Variants in SNX10 observed in about 807,000 individuals in gnomAD.
The protein encoded by SNX10 is sorting nexin 10.
In SNX10, 25 loss-of-function variants were observed where a neutral mutation model predicts 28.5. That is an observed-to-expected ratio of 0.88 (90% confidence interval 0.64 to 1.22). The LOEUF is 1.22. SNX10 is among the 50% of genes most tolerant of loss of function. The probability of loss-of-function intolerance (pLI) is 0.00; values close to 1 mark genes in which losing one functional copy is unlikely to be tolerated. For missense variants in SNX10, 223 were observed against 242.6 expected (o/e 0.92, Z 0.54); for synonymous variants, 62 against 81.4 (o/e 0.76, Z 1.28).
chr7:26,350,085 A>G (rs756550163), intron 2 of SNX10, among the ~76,000 whole-genome samples: 1 of 152,174 alleles, frequency 6.6e-6, no homozygotes, highest in Admixed American at 6.5e-5. Flanking sequence ...ATGCGTGCAT[A>G]TCTCCCCTGC....
At chr7:26,350,879 G>A (rs1032529175) in intron 2 of SNX10, among the ~76,000 whole-genome samples, 3 of 152,112 alleles carry the variant, frequency 2.0e-5, no homozygotes, top group African/African-American at 7.2e-5. Context: ...CTACATTAGT[G>A]TTACAGGTAC....
chr7:26,352,493 C>T (rs1788647042), intron 2 of SNX10, among the ~76,000 whole-genome samples: 1 of 152,172 alleles, frequency 6.6e-6, no homozygotes, highest in African/African-American at 2.4e-5. Flanking sequence ...TGTGTACCTA[C>T]CAACCAGCTT....
intron 1 of SNX10, among the ~76,000 whole-genome samples, chr7:26,343,478 C>T (rs905992007): frequency 3.3e-5 from 5 of 152,156 alleles, no homozygotes; most frequent in Non-Finnish European, 7.3e-5. Flanking sequence ...ACAGCTATGC[C>T]CTGGTGGAGA....
chr7:26,374,102 A>C lies in SNX10; in HGVS notation c.*1530A>C, dbSNP rs1478247943. On this transcript the variant is annotated 3_prime_UTR_variant, in exon 7 of 7. Coordinates refer to ENST00000338523, the MANE Select transcript of SNX10 (RefSeq NM_013322.3). ...CTTACCATGCTAATATGTAAAGTTC[A>C]TGCCATCCAGGCATTTAAGAGCGAT... 6.6e-6 allele frequency: 1 copy of C among 152,086 alleles called. No homozygotes were observed. Among genetic ancestry groups the C allele is most frequent in the East Asian group, 1.9e-4 (1 of 5,204 alleles). The allele number at this position is 152,086 out of a possible 1,614,324, so 9.4% of individuals were successfully genotyped here.
At chr7:26,325,679 C>T (rs1363380139) in intron 1 of SNX10, among the ~76,000 whole-genome samples, 1 of 151,380 alleles carries the variant, frequency 6.6e-6, no homozygotes, top group East Asian at 1.9e-4. Context: ...ATGGGGCATA[C>T]AAGTGACAGT....
chr7:26,374,258 T>TTATGTAATGCCTAATACTTAG lies in SNX10; in HGVS notation c.*1694_*1714dup, dbSNP rs1356453785. 11 of 152,080 alleles carry TTATGTAATGCCTAATACTTAG rather than the reference T, an allele frequency of 7.2e-5. No homozygotes were observed. The highest frequency in any genetic ancestry group is 1.3e-4 in the Non-Finnish European group (9 of 67,904). 9.4% of individuals were successfully genotyped at this position (152,080 alleles called of 1,614,324 possible). On this transcript the variant is annotated 3_prime_UTR_variant, in exon 7 of 7. Coordinates refer to ENST00000338523, the MANE Select transcript of SNX10 (RefSeq NM_013322.3). Reference sequence around the variant, plus strand: ...TGTAACATAGCCATCAAAATTAATATTATGTAATGCCTAATACTTAGTATG... The same window carrying TTATGTAATGCCTAATACTTAG: ...TGTAACATAGCCATCAAAATTAATATTATGTAATGCCTAATACTTAGTATGTAATGCCTAATACTTAGTATG...
intron 2 of SNX10, among the ~76,000 whole-genome samples, chr7:26,355,494 T>C (rs1403519565): frequency 6.6e-6 from 1 of 152,214 alleles, no homozygotes; most frequent in Non-Finnish European, 1.5e-5. Context: ...AATAGCATCT[T>C]AGATTTTCAG....
intron 2 of SNX10, among the ~76,000 whole-genome samples, chr7:26,358,603 G>A (rs1562816880): frequency 6.6e-6 from 1 of 151,892 alleles, no homozygotes; most frequent in Non-Finnish European, 1.5e-5. Context: ...GCTGGGCATG[G>A]TGGCACCCGC....
chr7:26,338,793 G>A (rs78600367), intron 1 of SNX10, among the ~76,000 whole-genome samples: 1 of 152,104 alleles, frequency 6.6e-6, no homozygotes. Context: ...ATCGTAGGGG[G>A]GTCAAAATGA....
At chr7:26,294,804 CTTCT>C (rs1342895175) in intron 1 of SNX10, among the ~76,000 whole-genome samples, 1 of 152,190 alleles carries the variant, frequency 6.6e-6, no homozygotes, top group African/African-American at 2.4e-5. Context: ...TTCTCCCCTT[CTTCT>C]TTCTTTTTAC....
rs547774851 is a variant in SNX10, at chr7:26,311,511, G to C, written c.-24+19425G>C. On this transcript the variant is annotated intron_variant, in intron 1 of 6. Transcript: ENST00000338523. Reference sequence around the variant, plus strand: ...CTTGTAGTGTAGGGCTGTTGCACTGGGGGGAGGGAATTGTCAGGGTGTGTG... The same window carrying C: ...CTTGTAGTGTAGGGCTGTTGCACTGCGGGGAGGGAATTGTCAGGGTGTGTG... Among the ~76,000 whole-genome samples, 17 of 152,240 alleles carry C rather than the reference G, an allele frequency of 1.1e-4. No homozygotes were observed. In the East Asian group the frequency reaches 1.4e-3, roughly 12 times the overall value.
In SNX10 at chr7:26,291,898, G is replaced by A. The variant is rs1785928924; in HGVS notation, c.-212G>A. 2.0e-5 allele frequency: 3 copies of A among 151,508 alleles called. No homozygotes were observed. Among genetic ancestry groups the A allele is most frequent in the Admixed American group, 2.0e-4 (3 of 15,154 alleles). The allele number at this position is 151,508 out of a possible 1,614,324, so 9.4% of individuals were successfully genotyped here. Reference sequence around the variant, plus strand: ...CGCCCACAGGCGGACGGCTGGCGCTGAGCGCGGGCGCGGGGCCGCTACGTG... The same window carrying A: ...CGCCCACAGGCGGACGGCTGGCGCTAAGCGCGGGCGCGGGGCCGCTACGTG... On this transcript the variant is annotated 5_prime_UTR_variant, in exon 1 of 7. Coordinates refer to ENST00000338523, the MANE Select transcript of SNX10 (RefSeq NM_013322.3).
intron 5 of SNX10, among the ~76,000 whole-genome samples, chr7:26,369,929 T>C (rs1438003429): frequency 6.6e-6 from 1 of 152,194 alleles, no homozygotes; most frequent in Non-Finnish European, 1.5e-5. Flanking sequence ...CAAGGCTCAG[T>C]AGAATTGCTT....
intron 1 of SNX10, among the ~76,000 whole-genome samples, chr7:26,339,086 G>A (rs1427732943): frequency 6.6e-6 from 1 of 152,210 alleles, no homozygotes; most frequent in Admixed American, 6.5e-5. Flanking sequence ...GGCAAGAAAG[G>A]GGTCTTTTCG....
chr7:26,299,509 C>T (rs1210712123), intron 1 of SNX10, among the ~76,000 whole-genome samples: 2 of 149,174 alleles, frequency 1.3e-5, no homozygotes, highest in African/African-American at 2.5e-5. Context: ...CAGCTCACTG[C>T]GACCTCTGCC....
At chr7:26,365,789 G>A (rs1200140944) in intron 5 of SNX10, among the ~76,000 whole-genome samples, 1 of 152,250 alleles carries the variant, frequency 6.6e-6, no homozygotes, top group Admixed American at 6.5e-5. Flanking sequence ...ATAGCACGCT[G>A]ATTTACACCT....
chr7:26,310,706 G>A (rs889538051), intron 1 of SNX10, among the ~76,000 whole-genome samples: 15 of 149,684 alleles, frequency 1.0e-4, no homozygotes, highest in African/African-American at 3.5e-4. Context: ...TTTTGAGACA[G>A]AGTCTCGCTC....
chr7:26,292,410 C>T (rs1330985653), intron 1 of SNX10, among the ~76,000 whole-genome samples: 2 of 152,116 alleles, frequency 1.3e-5, no homozygotes, highest in African/African-American at 4.8e-5. Context: ...TGCTGTGGCA[C>T]CTTACACCAG....
rs536504533 is a variant in SNX10, at chr7:26,339,279, G to C, written c.-23-7141G>C. 5.3e-5 allele frequency among the ~76,000 whole-genome samples: 8 copies of C among 152,260 alleles called. 1 individual carries two copies. The highest frequency in any genetic ancestry group is 1.9e-4 in the African/African-American group (8 of 41,534). On this transcript the variant is annotated intron_variant, in intron 1 of 6. Coordinates refer to ENST00000338523, the MANE Select transcript of SNX10 (RefSeq NM_013322.3). ...CCTCAGTTATAATTTTGCAAAGGCG[G>C]TTTCAGGATTTCGCCATGCCGCCCA...
Sources: gnomAD v4.1 joint callset for allele counts (sites outside exome capture counted in the v4.1 genomes callset) on GRCh38, gnomAD v4.1.1 for gene constraint, MANE v1.5 for transcripts, NCBI Gene and HGNC (gene_info 2026-07-23, HGNC 2026-07-21) for gene names.